AKT3: variants seen among roughly 807,000 people sequenced by gnomAD.
AKT3 encodes RAC-gamma serine/threonine-protein kinase.
Under a neutral mutation model 65.3 loss-of-function variants are expected in AKT3, and 15 were observed. That is an observed-to-expected ratio of 0.23 (90% CI 0.15 to 0.35). The LOEUF is 0.35. Ranked by LOEUF, AKT3 falls within the 10% of genes least tolerant of loss-of-function variation. The probability of loss-of-function intolerance (pLI) is 1.00; values close to 1 mark genes in which losing one functional copy is unlikely to be tolerated. For missense variants in AKT3, 243 were observed against 576.5 expected (o/e 0.42, Z 5.92); for synonymous variants, 206 against 183.8 (o/e 1.12, Z -0.98).
rs777277275 is a variant in AKT3 at position 243,573,031 on chromosome 1, C to T, written c.714G>A (p.Ser238=). Residue 238 remains serine (S), a synonymous_variant, in exon 9 of 14, where the codon TCG becomes TCA. Coordinates refer to ENST00000673466, the MANE Select transcript of AKT3 (RefSeq NM_005465.7). The stretch of plus-strand genomic sequence containing the variant: ...GGTCCTCAGAGAACACCCGCTCTCT[C>T]GACAAATGGAAAAACAGCTGCAGGG... ...VNGGELFFHL[S]RERVFSEDRT... 15 of 1,612,676 alleles carry T rather than the reference C, an allele frequency of 9.3e-6. No individual in the cohort carries two copies. Among genetic ancestry groups the T allele is most frequent in the Admixed American group, 3.3e-5 (2 of 59,824 alleles).
At chr1:243,742,962 G>A (rs1688254226) in intron 2 of AKT3, among the ~76,000 whole-genome samples, 1 of 151,712 alleles carries the variant, frequency 6.6e-6, no homozygotes, top group South Asian at 2.1e-4. Context: ...TTTAGAACAT[G>A]TACATGTTCA....
chr1:243,833,566 T>C (rs1218959491), intron 2 of AKT3, among the ~76,000 whole-genome samples: 1 of 152,046 alleles, frequency 6.6e-6, no homozygotes. Flanking sequence ...ATTTTTAAGA[T>C]GAGATTTGGG....
intron 13 of AKT3, chr1:243,489,269 C>G (rs1471482640): frequency 1.6e-6 from 2 of 1,272,692 alleles, no homozygotes; most frequent in Admixed American, 2.1e-5. Context: ...AGGGAGGTCC[C>G]GAAGACTGTG....
At chr1:243,596,832 TAG>T (rs1341383852) in intron 8 of AKT3, among the ~76,000 whole-genome samples, 1 of 152,218 alleles carries the variant, frequency 6.6e-6, no homozygotes, top group Admixed American at 6.5e-5. Context: ...AATGGTGGTA[TAG>T]CTGTGCAAAG....
At chr1:243,831,634 CAAAG>C (rs1694514791) in intron 2 of AKT3, among the ~76,000 whole-genome samples, 1 of 152,076 alleles carries the variant, frequency 6.6e-6, no homozygotes, top group Admixed American at 6.6e-5. Flanking sequence ...AACAGTTACT[CAAAG>C]AGAGAAAACA....
intron 2 of AKT3, among the ~76,000 whole-genome samples, chr1:243,704,475 T>C (rs1401782783): frequency 6.6e-6 from 1 of 152,200 alleles, no homozygotes; most frequent in Non-Finnish European, 1.5e-5. Context: ...CCCATTTCTT[T>C]AACCATTCTT....
intron 2 of AKT3, among the ~76,000 whole-genome samples, chr1:243,736,861 C>T (rs188598351): frequency 1.3e-5 from 2 of 152,296 alleles, no homozygotes; most frequent in African/African-American, 4.8e-5. Context: ...ACCTTCCCAA[C>T]AGATAACAGC....
At chr1:243,720,343 G>A (rs1048210966) in intron 2 of AKT3, among the ~76,000 whole-genome samples, 1 of 149,226 alleles carries the variant, frequency 6.7e-6, no homozygotes, top group East Asian at 2.0e-4. Context: ...GTTAAAAATG[G>A]TTAAAATGGT....
chr1:243,539,824 C>T (rs1243127360), intron 12 of AKT3, among the ~76,000 whole-genome samples: 1 of 152,104 alleles, frequency 6.6e-6, no homozygotes, highest in East Asian at 1.9e-4. Flanking sequence ...GACTAACAGT[C>T]CTTAGAGAGA....
upstream of AKT3, among the ~76,000 whole-genome samples, chr1:243,850,715 C>T (rs1313437585): frequency 6.6e-6 from 1 of 151,952 alleles, no homozygotes; most frequent in Non-Finnish European, 1.5e-5. Flanking sequence ...GCCTCTGCTC[C>T]CCTCCCTGCC....
chr1:243,703,976 CTTTTATT>C (rs1685637612), intron 2 of AKT3, among the ~76,000 whole-genome samples: 2 of 152,020 alleles, frequency 1.3e-5, no homozygotes, highest in African/African-American at 4.8e-5. Context: ...TATCATTTAT[CTTTTATT>C]GAGTCTTGAA....
intron 2 of AKT3, among the ~76,000 whole-genome samples, chr1:243,829,322 T>C (rs185366446): frequency 5.7e-4 from 87 of 152,314 alleles, no homozygotes; most frequent in African/African-American, 2.0e-3. Context: ...TTCATCATAA[T>C]GATGCTCAAA....
chr1:243,578,922 G>C (rs774506545), intron 8 of AKT3, among the ~76,000 whole-genome samples: 4 of 152,144 alleles, frequency 2.6e-5, no homozygotes, highest in Non-Finnish European at 5.9e-5. Context: ...TTCTACTAAA[G>C]TTACGGTAAT....
intron 3 of AKT3, among the ~76,000 whole-genome samples, chr1:243,665,454 C>A (rs1682703286): frequency 6.6e-6 from 1 of 152,066 alleles, no homozygotes; most frequent in South Asian, 2.1e-4. Context: ...TATAAACTGC[C>A]TGTAACTCTT....
chr1:243,625,000 T>C (rs868711252), intron 6 of AKT3: 6 of 368,060 alleles, frequency 1.6e-5, no homozygotes, highest in Middle Eastern at 6.1e-4. Flanking sequence ...AGAGCCTTCA[T>C]GTACTCATCA....
At chr1:243,795,457 TTTTTG>T (rs1691909096) in intron 2 of AKT3, among the ~76,000 whole-genome samples, 1 of 124,722 alleles carries the variant, frequency 8.0e-6, no homozygotes, top group Non-Finnish European at 1.6e-5. Flanking sequence ...TTGTTTTTTT[TTTTTG>T]TTTTTTTTTT....
intron 2 of AKT3, among the ~76,000 whole-genome samples, chr1:243,815,369 G>T (rs1297006790): frequency 6.6e-6 from 1 of 152,072 alleles, no homozygotes; most frequent in Non-Finnish European, 1.5e-5. Flanking sequence ...TGCCACCACA[G>T]AACAAGGATC....
chr1:243,531,634 GTTGT>G (rs1420012262), intron 12 of AKT3, among the ~76,000 whole-genome samples: 2 of 151,902 alleles, frequency 1.3e-5, no homozygotes, highest in African/African-American at 4.8e-5. Flanking sequence ...ATAAATTTGA[GTTGT>G]TTTTTATTCT....
intron 8 of AKT3, among the ~76,000 whole-genome samples, chr1:243,595,605 A>AT (rs564391921): frequency 6.4e-4 from 97 of 151,808 alleles, no homozygotes; most frequent in African/African-American, 2.0e-3. Context: ...ATATTTTTCT[A>AT]TTTTTTTTAA....
Sources: gnomAD v4.1 joint callset for allele counts (sites outside exome capture counted in the v4.1 genomes callset) on GRCh38, gnomAD v4.1.1 for gene constraint, MANE v1.5 for transcripts, NCBI Gene and HGNC (gene_info 2026-07-23, HGNC 2026-07-21) for gene names.